The following ABCA4 variants were observed in gnomAD, a reference collection of about 807,000 sequenced individuals.
ABCA4 encodes ATP binding cassette subfamily A member 4, also known as retinal-specific phospholipid-transporting ATPase ABCA4.
In ABCA4, 196 loss-of-function variants were observed where a neutral mutation model predicts 263.7. The ratio of observed to expected loss-of-function variants is 0.74; its 90% CI spans 0.66 to 0.84. The LOEUF (loss-of-function observed/expected upper bound fraction) is 0.84, where lower values mean the gene tolerates loss of function less well. Among genes scored for constraint, ABCA4 ranks in the 40% least tolerant of loss-of-function variants. The pLI is 0.00. For synonymous variants in ABCA4, 1,133 were observed against 1,094.2 expected, an observed-to-expected ratio of 1.04 and a Z score of -0.70; for missense variants, 2,792 against 2,855.1, an observed-to-expected ratio of 0.98 and a Z score of 0.50.
chr1:94,031,180 G>A (rs560414921), intron 27 of ABCA4, 60 bp from the exon 28 acceptor site: 110 of 1,600,938 alleles, frequency 6.9e-5, no homozygotes, highest in Middle Eastern at 3.3e-4. Flanking sequence ...ACACGTGCGC[G>A]TGCACACACA....
In ABCA4 at chr1:94,063,124, T is replaced by G; in HGVS notation, c.1748A>C (p.Lys583Thr). ...CCTGAAACATCACCTGTCTTTAATC[T>G]TATTGGTTTTCTCCACCACGTCTAT... is the stretch of plus-strand genomic sequence containing the variant. The part of the protein sequence containing the change: ...MDIDVVEKTN[K>T]IKDRYWDSGP... Residue 583 changes from lysine to threonine, a missense_variant, in exon 12 of 50, where the codon AAG (lysine) becomes ACG (threonine). Transcript: ENST00000370225. 2 of 1,613,684 alleles carry G rather than the reference T, an allele frequency of 1.2e-6. No individual in the cohort carries two copies. Among genetic ancestry groups the G allele is most frequent in the East Asian group, 2.2e-5 (1 of 44,884 alleles).
At chr1:94,097,936 T>C (rs960342598) in intron 6 of ABCA4, among the ~76,000 whole-genome samples, 8 of 152,168 alleles carry the variant, frequency 5.3e-5, no homozygotes, top group African/African-American at 1.9e-4. Context: ...GTGTGTGTTT[T>C]TTAGTAGAGA....
intron 4 of ABCA4, among the ~76,000 whole-genome samples, chr1:94,106,196 G>A (rs1662429874): frequency 6.6e-6 from 1 of 152,148 alleles, no homozygotes; most frequent in East Asian, 1.9e-4. Context: ...GCTCTGTTAG[G>A]GACTTCTCAC....
chr1:94,029,832 C>T (rs948390179), intron 29 of ABCA4, among the ~76,000 whole-genome samples: 1 of 152,146 alleles, frequency 6.6e-6, no homozygotes, highest in East Asian at 1.9e-4. Context: ...TGGGGAATAA[C>T]CATCTCTAGC....
Position 94,044,609 on chromosome 1 carries a change from T to G in ABCA4, c.3050+4A>C. On this transcript the variant is annotated splice_donor_region_variant and intron_variant, in intron 20 of 49. Transcript: ENST00000370225. ...GGGGCGGTCTCAGTTCCTGTGTCGC[T>G]TACTGGTGGAACAGGATGTTGTGCT... is the stretch of plus-strand genomic sequence containing the variant. The G allele has an allele frequency of 6.2e-7, 1 of 1,614,192 alleles. No homozygotes were observed. The highest frequency in any genetic ancestry group is 1.3e-5 in the African/African-American group (1 of 75,056).
At chr1:94,023,306 G>A (rs1001596448) in intron 32 of ABCA4, 80 bp downstream of exon 32, 2 of 1,207,800 alleles carry the variant, frequency 1.7e-6, no homozygotes, top group African/African-American at 1.5e-5. Flanking sequence ...ATGGCTGTGA[G>A]GTGTGCCTTT....
At position 94,005,426 on chromosome 1, in the gene ABCA4, C is replaced by G; in HGVS notation, c.6147+15G>C. 3.1e-6 allele frequency: 5 copies of G among 1,614,082 alleles called. No individual in the cohort carries two copies. The highest frequency in any genetic ancestry group is 3.4e-6 in the Non-Finnish European group (4 of 1,179,988). On this transcript the variant is annotated intron_variant, in intron 44 of 49. Transcript: ENST00000370225. Reference sequence around the variant, plus strand: ...TAACCAGACTCCTATGTGGCCACAACAAAACATTTTTCACCTTTTCGATTT... The same window carrying G: ...TAACCAGACTCCTATGTGGCCACAAGAAAACATTTTTCACCTTTTCGATTT...
chr1:94,092,781 C>T (rs146074925), intron 6 of ABCA4, among the ~76,000 whole-genome samples: 1 of 151,764 alleles, frequency 6.6e-6, no homozygotes, highest in East Asian at 1.9e-4. Context: ...CAAAAGGTCA[C>T]TCCATGAGAC....
Position 94,047,030 on chromosome 1 carries a change from T to G in ABCA4, c.2807A>C (p.Lys936Thr). The stretch of plus-strand genomic sequence containing the variant: ...TGGCCGGCCACAGGGCTCAAAAATC[T>G]TTACCAGATTCTTCACGCATACCCC... The part of the protein sequence containing the change: ...VPGVCVKNLV[K>T]IFEPCGRPAV... Residue 936 changes from lysine (K) to threonine (T), a missense_variant, in exon 19 of 50, where the codon AAG (lysine) becomes ACG (threonine). By Grantham distance (78) the Lys-to-Thr change is moderately conservative. Transcript: ENST00000370225. 6.2e-7 allele frequency: 1 copy of G among 1,614,146 alleles called. No individual in the cohort carries two copies. Among genetic ancestry groups the G allele is most frequent in the Non-Finnish European group, 8.5e-7 (1 of 1,180,038 alleles).
At chr1:94,108,026 G>A (rs1320931193) in intron 4 of ABCA4, among the ~76,000 whole-genome samples, 1 of 152,102 alleles carries the variant, frequency 6.6e-6, no homozygotes, top group South Asian at 2.1e-4. Context: ...CTTCTGTGGT[G>A]CCTCCATACA....
At chr1:93,998,848 C>G (rs1220227370) in intron 47 of ABCA4, among the ~76,000 whole-genome samples, 1 of 151,264 alleles carries the variant, frequency 6.6e-6, no homozygotes, top group Non-Finnish European at 1.5e-5. Flanking sequence ...AAGCAATTCT[C>G]CTGCCTCAGT....
intron 36 of ABCA4, 96 bp downstream of exon 36, chr1:94,019,486 G>T: frequency 2.8e-6 from 4 of 1,403,918 alleles, no homozygotes; most frequent in Non-Finnish European, 3.9e-6. Context: ...CTGGCACCGT[G>T]AGAACCCCTC....
chr1:94,020,167 A>G (rs758652621), intron 35 of ABCA4, among the ~76,000 whole-genome samples: 12 of 152,222 alleles, frequency 7.9e-5, no homozygotes, highest in African/African-American at 2.4e-5. Flanking sequence ...GTTAATAATC[A>G]TCTTGTTAAA....
chr1:94,077,029 A>G (rs1661552807), intron 11 of ABCA4, among the ~76,000 whole-genome samples: 1 of 152,228 alleles, frequency 6.6e-6, no homozygotes, highest in Non-Finnish European at 1.5e-5. Context: ...GCAAATTGGC[A>G]ATGATAATGG....
chr1:94,114,042 A>T (rs558600933), intron 1 of ABCA4, among the ~76,000 whole-genome samples: 8 of 152,330 alleles, frequency 5.3e-5, no homozygotes, highest in African/African-American at 1.9e-4. Flanking sequence ...GGAAACACAT[A>T]AGATCTGAAG....
chr1:94,114,414 G>T (rs1175008297), intron 1 of ABCA4, among the ~76,000 whole-genome samples: 1 of 152,150 alleles, frequency 6.6e-6, no homozygotes, highest in African/African-American at 2.4e-5. Context: ...AATATATATA[G>T]GGAGGATGTG....
At chr1:94,108,971 A>G (rs189875073) in intron 3 of ABCA4, among the ~76,000 whole-genome samples, 1 of 151,934 alleles carries the variant, frequency 6.6e-6, no homozygotes, top group Admixed American at 6.5e-5. Context: ...ACGGGGCTTC[A>G]TCGTGTTAGC....
rs531385710 is a variant in ABCA4 at position 94,084,795 on chromosome 1, C to T, written c.769-1354G>A. On this transcript the variant is annotated intron_variant, in intron 6 of 49. Coordinates refer to ENST00000370225, the MANE Select transcript of ABCA4 (RefSeq NM_000350.3). ...GCCGGGAGTACTCTTCAAACTCCTT[C>T]GAAATAGCTTCAGTGGGTGCTGGGC... Among the ~76,000 whole-genome samples, 8 of 152,218 alleles carry T rather than the reference C, an allele frequency of 5.3e-5. No individual in the cohort carries two copies. The South Asian group carries it at 6.2e-4, about 12-fold the overall frequency.
chr1:94,023,469 C>T (rs377198794), intron 31 of ABCA4, 51 bp from the exon 32 acceptor site: 61 of 1,426,454 alleles, frequency 4.3e-5, no homozygotes, highest in Admixed American at 8.7e-5. Flanking sequence ...ACAGCAGTGC[C>T]GTTAACTTTC....
Sources: gnomAD v4.1 joint callset for allele counts (sites outside exome capture counted in the v4.1 genomes callset) on GRCh38, gnomAD v4.1.1 for gene constraint, MANE v1.5 for transcripts, NCBI Gene and HGNC (gene_info 2026-07-23, HGNC 2026-07-21) for gene names.